EPAS1: variants seen among roughly 807,000 people sequenced by gnomAD.
EPAS1 encodes endothelial PAS domain-containing protein 1.
A neutral mutation model predicts 87.9 loss-of-function variants in EPAS1; 23 were observed. That is an observed-to-expected ratio of 0.26 (90% CI 0.19 to 0.37). The LOEUF is 0.37. EPAS1 is among the 10% of genes least tolerant of loss of function. The pLI, the probability that EPAS1 is intolerant of heterozygous loss-of-function variation, is 1.00. For synonymous variants in EPAS1, 508 were observed against 444.3 expected (o/e 1.14, Z -1.80); for missense variants, 1,138 against 1,120.7 (o/e 1.02, Z -0.22).
At chr2:46,356,446 C>G (rs922507063) in intron 3 of EPAS1, 144 bp downstream of exon 3, 4 of 1,046,850 alleles carry the variant, frequency 3.8e-6, no homozygotes, top group African/African-American at 1.6e-5. Flanking sequence ...CCACACGCCT[C>G]AGGCCACGCT....
chr2:46,304,458 C>T (rs1321154238), intron 1 of EPAS1, among the ~76,000 whole-genome samples: 1 of 152,182 alleles, frequency 6.6e-6, no homozygotes, highest in East Asian at 1.9e-4. Context: ...TTCTGACTCA[C>T]AATAAGTGCT....
intron 1 of EPAS1, among the ~76,000 whole-genome samples, chr2:46,325,005 C>G (rs1304942956): frequency 6.6e-6 from 1 of 152,208 alleles, no homozygotes; most frequent in Non-Finnish European, 1.5e-5. Context: ...TGTTGTGTAG[C>G]TCTTAACATC....
intron 1 of EPAS1, among the ~76,000 whole-genome samples, chr2:46,313,438 G>GTTATTTATTTATTTATTTAT (rs34298350): frequency 7.4e-5 from 11 of 148,662 alleles, no homozygotes; most frequent in Non-Finnish European, 1.0e-4. Context: ...CCCACATGTT[G>GTTATTTATTTATTTATTTAT]TTATTTATTT....
intron 1 of EPAS1, among the ~76,000 whole-genome samples, chr2:46,335,405 C>T (rs1350698862): frequency 8.6e-6 from 1 of 115,630 alleles, no homozygotes; most frequent in Non-Finnish European, 1.7e-5. Context: ...CGCCCCCCAC[C>T]CGCCTTTTTC....
intron 9 of EPAS1, 145 bp from the exon 10 acceptor site, chr2:46,377,749 T>C: frequency 1.5e-6 from 2 of 1,341,484 alleles, no homozygotes. Context: ...GTGTTCCAGC[T>C]GAGCCCCAGG....
At chr2:46,359,257 C>CAAAAAAAAAAAAAAA (rs57351888) in intron 4 of EPAS1, among the ~76,000 whole-genome samples, 704 of 25,054 alleles carry the variant, frequency 0.028, 123 homozygotes, top group East Asian at 0.12. Flanking sequence ...GATTCTGTCT[C>CAAAAAAAAAAAAAAA]AAAAAAAAAA....
At chr2:46,358,970 A>G (rs1684327804) in intron 4 of EPAS1, among the ~76,000 whole-genome samples, 1 of 152,084 alleles carries the variant, frequency 6.6e-6, no homozygotes, top group Non-Finnish European at 1.5e-5. Flanking sequence ...GTTTAGAAAG[A>G]ATGAACAAGG....
chr2:46,381,650 A>G lies in EPAS1; in HGVS notation c.2100A>G (p.Val700=), dbSNP rs367599424. ...RGPDVLSPAM[V]ALSNKLKLKR... ...CAGACGTGCTGAGTCCGGCCATGGT[A>G]GCCCTCTCCAACAAGCTGAAGCTGA... Residue 700 remains valine, a synonymous_variant, in exon 13 of 16, where the codon GTA becomes GTG. Coordinates refer to ENST00000263734, the MANE Select transcript of EPAS1 (RefSeq NM_001430.5). The G allele has an allele frequency of 6.2e-7, 1 of 1,613,914 alleles. No individual in the cohort carries two copies. Among genetic ancestry groups the G allele is most frequent in the Non-Finnish European group, 8.5e-7 (1 of 1,180,028 alleles).
At chr2:46,321,793 T>C (rs1572619228) in intron 1 of EPAS1, among the ~76,000 whole-genome samples, 1 of 147,544 alleles carries the variant, frequency 6.8e-6, no homozygotes, top group Non-Finnish European at 1.5e-5. Context: ...TATTTGGGAG[T>C]GAAAGGTGTC....
At chr2:46,350,762 C>A (rs1222756857) in intron 2 of EPAS1, among the ~76,000 whole-genome samples, 1 of 152,144 alleles carries the variant, frequency 6.6e-6, no homozygotes, top group Non-Finnish European at 1.5e-5. Context: ...TCATACATGG[C>A]GAAATCAAAT....
chr2:46,314,715 G>C (rs142468051), intron 1 of EPAS1, among the ~76,000 whole-genome samples: 4 of 152,212 alleles, frequency 2.6e-5, no homozygotes, highest in Non-Finnish European at 4.4e-5. Context: ...GAAGGTGGAC[G>C]ATTAAAGATG....
rs72887435 is a variant in EPAS1 at position 46,378,438 on chromosome 2, C to T, written c.1444-219C>T. 0.016 allele frequency among the ~76,000 whole-genome samples: 2,436 copies of T among 152,322 alleles called. 58 individuals are homozygous for T. The highest frequency in any genetic ancestry group is 0.055 in the African/African-American group (2,281 of 41,570). On this transcript the variant is annotated intron_variant, in intron 10 of 15. Transcript: ENST00000263734. The stretch of plus-strand genomic sequence containing the variant: ...CAAGACAGGACAACCTGTGAAGCGA[C>T]AGTAGCCTCATTTTATGATGAGGAG...
At chr2:46,303,615 C>G (rs2104836298) in intron 1 of EPAS1, among the ~76,000 whole-genome samples, 1 of 152,294 alleles carries the variant, frequency 6.6e-6, no homozygotes, top group Non-Finnish European at 1.5e-5. Flanking sequence ...GCTTCTTAAC[C>G]AGGCTTTGTG....
chr2:46,340,291 A>G (rs1433570553), intron 1 of EPAS1, among the ~76,000 whole-genome samples: 1 of 151,672 alleles, frequency 6.6e-6, no homozygotes, highest in Non-Finnish European at 1.5e-5. Context: ...ATGCTGGGTG[A>G]GCCCCAGACA....
At chr2:46,336,866 G>C (rs1346328419) in intron 1 of EPAS1, among the ~76,000 whole-genome samples, 2 of 152,342 alleles carry the variant, frequency 1.3e-5, no homozygotes, top group East Asian at 3.9e-4. Flanking sequence ...CACAGCAAAG[G>C]TTGGGAAGTG....
intron 9 of EPAS1, 101 bp downstream of exon 9, chr2:46,376,854 G>A (rs540514016): frequency 8.1e-7 from 1 of 1,241,016 alleles, no homozygotes; most frequent in Admixed American, 1.9e-5. Flanking sequence ...TTCTTAACCA[G>A]AGCTACCCCA....
chr2:46,376,612 A>G lies in EPAS1; in HGVS notation c.1108A>G (p.Met370Val), dbSNP rs1233737038. ...ESLFKPHLMA[M>V]NSIFDSSGKG... ...CCTGTTCAAGCCCCACCTGATGGCC[A>G]TGAACAGCATCTTTGATAGCAGTGG... The change falls in exon 9 of 16, where the codon ATG becomes GTG. Residue 370 changes from methionine to valine, a missense_variant. Met to Val is a conservative substitution (Grantham distance 21). Around this residue, in one of 4 missense-constraint regions of EPAS1, gnomAD observed 284 missense variants for 258.4 expected, o/e 1.10. Transcript: ENST00000263734. 4 of 1,614,180 alleles carry G rather than the reference A, an allele frequency of 2.5e-6. No homozygotes were observed. Among genetic ancestry groups the G allele is most frequent in the African/African-American group, 1.3e-5 (1 of 75,034 alleles).
chr2:46,336,546 G>T (rs1057196439), intron 1 of EPAS1, among the ~76,000 whole-genome samples: 1 of 152,166 alleles, frequency 6.6e-6, no homozygotes, highest in African/African-American at 2.4e-5. Flanking sequence ...GGACATTAAT[G>T]TAGGGCTTAG....
chr2:46,368,253 G>C (rs1684545151), intron 6 of EPAS1, among the ~76,000 whole-genome samples: 1 of 152,206 alleles, frequency 6.6e-6, no homozygotes, highest in East Asian at 1.9e-4. Flanking sequence ...CTGTGGAGAA[G>C]ATGAGGCTTT....
Sources: gnomAD v4.1 joint callset for allele counts (sites outside exome capture counted in the v4.1 genomes callset) on GRCh38, gnomAD v4.1.1 for gene constraint, gnomAD v4.1.1 regional missense constraint, MANE v1.5 for transcripts, NCBI Gene and HGNC (gene_info 2026-07-23, HGNC 2026-07-21) for gene names.